Variants in CHRM2 observed in about 807,000 individuals in gnomAD.
CHRM2 encodes the protein muscarinic acetylcholine receptor M2.
In CHRM2, 8 loss-of-function variants were observed where a neutral mutation model predicts 25.0. That is an observed-to-expected ratio of 0.32 (90% CI 0.19 to 0.58). The LOEUF is 0.58. CHRM2 is among the 20% of genes least tolerant of loss of function. The probability of loss-of-function intolerance (pLI) is 0.88; values close to 1 mark genes in which losing one functional copy is unlikely to be tolerated. For missense variants in CHRM2, 440 were observed against 567.1 expected, an observed-to-expected ratio of 0.78 and a Z score of 2.28; for synonymous variants, 202 against 205.7, an observed-to-expected ratio of 0.98 and a Z score of 0.15.
chr7:136,964,371 A>G (rs1176769931), intron 2 of CHRM2, among the ~76,000 whole-genome samples: 3 of 152,184 alleles, frequency 2.0e-5, no homozygotes, highest in Non-Finnish European at 4.4e-5. Flanking sequence ...TCAATAAAAA[A>G]TACAGCTGAA....
intron 3 of CHRM2, among the ~76,000 whole-genome samples, chr7:137,012,388 G>A (rs775798015): frequency 4.6e-5 from 7 of 152,100 alleles, no homozygotes; most frequent in African/African-American, 7.2e-5. Flanking sequence ...AGGGAAATCC[G>A]ATTAAAATAA....
intron 2 of CHRM2, among the ~76,000 whole-genome samples, chr7:136,910,830 T>TGTGTGTGTGTGA (rs377403672): frequency 6.0e-5 from 9 of 149,614 alleles, no homozygotes; most frequent in African/African-American, 1.7e-4. Context: ...TGTGTGTGTG[T>TGTGTGTGTGTGA]GAGAGAGAGA....
At chr7:137,012,018 C>T (rs939326691) in intron 3 of CHRM2, among the ~76,000 whole-genome samples, 1 of 152,038 alleles carries the variant, frequency 6.6e-6, no homozygotes, top group East Asian at 1.9e-4. Flanking sequence ...ATTCATTATT[C>T]TCCAGAGGAA....
intron 2 of CHRM2, among the ~76,000 whole-genome samples, chr7:136,920,792 AGT>A (rs1798385233): frequency 1.3e-5 from 2 of 152,282 alleles, no homozygotes; most frequent in South Asian, 4.1e-4. Context: ...CATGACACTC[AGT>A]GTTTCCTCTT....
chr7:136,877,188 G>A (rs951602753), intron 2 of CHRM2, among the ~76,000 whole-genome samples: 4 of 152,070 alleles, frequency 2.6e-5, no homozygotes, highest in Non-Finnish European at 5.9e-5. Flanking sequence ...CGGACAGAGA[G>A]CTTTGCTGTA....
intron 2 of CHRM2, among the ~76,000 whole-genome samples, chr7:136,882,066 C>A (rs1171229393): frequency 6.6e-6 from 1 of 152,014 alleles, no homozygotes; most frequent in African/African-American, 2.4e-5. Flanking sequence ...TAAGGGAAGT[C>A]CTAAGAGGTT....
chr7:136,975,537 C>T (rs1362455956), intron 2 of CHRM2, among the ~76,000 whole-genome samples: 1 of 152,160 alleles, frequency 6.6e-6, no homozygotes, highest in Non-Finnish European at 1.5e-5. Context: ...GTTGGAAATA[C>T]TAATCTGCAA....
intron 2 of CHRM2, among the ~76,000 whole-genome samples, chr7:136,958,847 A>G (rs1800885250): frequency 6.6e-6 from 1 of 152,216 alleles, no homozygotes; most frequent in South Asian, 2.1e-4. Flanking sequence ...AAATGGCAGT[A>G]GGAAGTAAAT....
intron 3 of CHRM2, among the ~76,000 whole-genome samples, chr7:137,012,267 T>C (rs909813841): frequency 7.2e-5 from 11 of 152,084 alleles, no homozygotes; most frequent in African/African-American, 1.9e-4. Flanking sequence ...TACAGTTAGC[T>C]GAGCTATTAA....
At chr7:136,940,123 T>C (rs1799677963) in intron 2 of CHRM2, among the ~76,000 whole-genome samples, 1 of 152,184 alleles carries the variant, frequency 6.6e-6, no homozygotes, top group Non-Finnish European at 1.5e-5. Flanking sequence ...CAAAACTAAG[T>C]GGTATTTAAG....
At chr7:136,985,375 T>C (rs775426524) in intron 2 of CHRM2, among the ~76,000 whole-genome samples, 7 of 151,848 alleles carry the variant, frequency 4.6e-5, no homozygotes, top group Non-Finnish European at 8.8e-5. Flanking sequence ...CTGGGTGTGG[T>C]GGCACATGCC....
At chr7:136,972,616 T>C (rs2130936606) in intron 2 of CHRM2, among the ~76,000 whole-genome samples, 1 of 152,302 alleles carries the variant, frequency 6.6e-6, no homozygotes, top group South Asian at 2.1e-4. Context: ...TGAATTAGGT[T>C]GGATTTTGGA....
chr7:137,016,320 G>C lies in CHRM2; in HGVS notation c.*54G>C. On this transcript the variant is annotated 3_prime_UTR_variant, in exon 4 of 4. Transcript: ENST00000680005. ...CAAGGGGAGCTTGAGAAGAATAAAA[G>C]GGATAAACGAGCTCCTAGTTTTAAA... is the stretch of plus-strand genomic sequence containing the variant. 1 of 1,534,850 alleles carries C rather than the reference G, an allele frequency of 6.5e-7. No homozygotes were observed. Among genetic ancestry groups the C allele is most frequent in the East Asian group, 2.3e-5 (1 of 44,140 alleles).
intron 2 of CHRM2, chr7:136,899,215 C>T (rs981267856): frequency 3.3e-5 from 5 of 151,954 alleles, no homozygotes; most frequent in Non-Finnish European, 7.4e-5. Context: ...TGGAAGTGTT[C>T]TTGTAGATAT....
intron 3 of CHRM2, among the ~76,000 whole-genome samples, chr7:136,993,467 A>G (rs1057431574): frequency 6.6e-6 from 1 of 152,158 alleles, no homozygotes; most frequent in African/African-American, 2.4e-5. Context: ...TTTTCTCAGT[A>G]TTAGCTCCCT....
intron 2 of CHRM2, chr7:136,901,966 G>C (rs577426881): frequency 1.4e-4 from 22 of 151,930 alleles, no homozygotes; most frequent in African/African-American, 5.3e-4. Flanking sequence ...AGCCAGACAG[G>C]AAGAACTGTC....
rs539604111 is a variant in CHRM2 at position 136,954,111 on chromosome 7, G to A, written c.-124-38076G>A. Among the ~76,000 whole-genome samples, 6 of 152,226 alleles carry A rather than the reference G, an allele frequency of 3.9e-5. No individual in the cohort carries two copies. The South Asian group carries it at 1.2e-3, about 32-fold the overall frequency. On this transcript the variant is annotated intron_variant, in intron 2 of 3. Coordinates refer to ENST00000680005, the MANE Select transcript of CHRM2 (RefSeq NM_001006630.2). Reference sequence around the variant, plus strand: ...TGAGGTAAGAGTGAGCTGACACCTTGATAAGCTACCAAAAGGGAAGAGGAA... The same window carrying A: ...TGAGGTAAGAGTGAGCTGACACCTTAATAAGCTACCAAAAGGGAAGAGGAA...
Position 136,980,464 on chromosome 7 carries a change from G to A in CHRM2, c.-124-11723G>A, listed in dbSNP as rs1802410267. ...TTCTCTTGCCTGATTGCCCTGGTCA[G>A]AACTTCCAATACTTTGTTAAATAGG... On this transcript the variant is annotated intron_variant, in intron 2 of 3. Transcript: ENST00000680005. 2.6e-5 allele frequency among the ~76,000 whole-genome samples: 4 copies of A among 152,188 alleles called. No individual in the cohort carries two copies. In the South Asian group the frequency reaches 8.3e-4, roughly 32 times the overall value.
chr7:136,970,000 T>G (rs1253856989), intron 2 of CHRM2, among the ~76,000 whole-genome samples: 1 of 152,178 alleles, frequency 6.6e-6, no homozygotes, highest in Admixed American at 6.5e-5. Flanking sequence ...GGCTTCTCAC[T>G]GTATACTTGC....
Sources: gnomAD v4.1 joint callset for allele counts (sites outside exome capture counted in the v4.1 genomes callset) on GRCh38, gnomAD v4.1.1 for gene constraint, MANE v1.5 for transcripts, NCBI Gene and HGNC (gene_info 2026-07-23, HGNC 2026-07-21) for gene names.